The following DHX9 variants were observed in gnomAD, a reference collection of about 807,000 sequenced individuals.
The protein encoded by DHX9 is ATP-dependent RNA helicase A.
Under a neutral mutation model 148.7 loss-of-function variants are expected in DHX9, and 27 were observed. That is an observed-to-expected ratio of 0.18 (90% CI 0.13 to 0.25). The LOEUF is 0.25. DHX9 is among the 10% of genes least tolerant of loss of function. The probability of loss-of-function intolerance (pLI) is 1.00; values close to 1 mark genes in which losing one functional copy is unlikely to be tolerated. For missense variants in DHX9, 796 were observed against 1,559.6 expected (o/e 0.51, Z 8.25); for synonymous variants, 529 against 516.6 (o/e 1.02, Z -0.33).
At chr1:182,858,336 T>TGGCCGGGCGCGGTGGCTC in intron 8 of DHX9, 96 bp downstream of exon 8, 1 of 1,420,246 alleles carries the variant, frequency 7.0e-7, no homozygotes, top group Non-Finnish European at 9.6e-7. Context: ...TTAAGAATCT[T>TGGCCGGGCGCGGTGGCTC]ACCTCAGGAA....
chr1:182,855,751 T>TA, intron 6 of DHX9: 3 of 985,326 alleles, frequency 3.0e-6, no homozygotes, highest in Non-Finnish European at 3.6e-6. Flanking sequence ...GTCTAACATT[T>TA]ATTTTTTTCT....
At chr1:182,861,729 A>G (rs1668367140) in intron 12 of DHX9, among the ~76,000 whole-genome samples, 1 of 152,160 alleles carries the variant, frequency 6.6e-6, no homozygotes, top group South Asian at 2.1e-4. Flanking sequence ...GTATTAGCAA[A>G]CCTGTGTCTT....
Position 182,887,408 on chromosome 1 carries a change from C to G in DHX9, c.3787C>G (p.Gln1263Glu). Residue 1263 changes from glutamine to glutamate, a missense_variant, in exon 28 of 28, where the codon CAG becomes GAG. By Grantham distance (29) the Gln-to-Glu change is conservative. This residue lies in a region of DHX9 where 98 missense variants were observed against 105.5 expected (regional missense o/e 0.93). Transcript: ENST00000367549. ...RGAYGTGYFGQGRGGGGY is the reference protein window; with the variant it reads ...RGAYGTGYFGEGRGGGGY ...GGCCTATGGAACTGGCTACTTTGGA[C>G]AGGGAAGAGGAGGTGGCGGCTATTA... 6.2e-7 allele frequency: 1 copy of G among 1,613,606 alleles called. No homozygotes were observed. Among genetic ancestry groups the G allele is most frequent in the Non-Finnish European group, 8.5e-7 (1 of 1,179,870 alleles).
intron 1 of DHX9, among the ~76,000 whole-genome samples, chr1:182,842,267 A>G (rs1328517209): frequency 1.3e-5 from 2 of 152,200 alleles, no homozygotes; most frequent in Non-Finnish European, 2.9e-5. Flanking sequence ...AAAGATAAAA[A>G]TCACTCTTAG....
Position 182,858,210 on chromosome 1 carries a change from C to T in DHX9, c.780C>T (p.Ser260=), listed in dbSNP as rs752819481. 10 of 1,614,050 alleles carry T rather than the reference C, an allele frequency of 6.2e-6. No homozygotes were observed. Among genetic ancestry groups the T allele is most frequent in the Middle Eastern group, 1.7e-4 (1 of 6,060 alleles). Residue 260 remains serine, a synonymous_variant, in exon 8 of 28, where the codon TCC becomes TCT. Coordinates refer to ENST00000367549, the MANE Select transcript of DHX9 (RefSeq NM_001357.5). ...ATCTTGGAGTGGTTGAAGCTTACTC[C>T]GGACTTACAAAGAAGAAGGAAGGAG... ...LYHLGVVEAY[S]GLTKKKEGET... is the part of the protein sequence containing the mutation.
chr1:182,879,540 G>A, intron 21 of DHX9, 130 bp downstream of exon 21: 1 of 804,586 alleles, frequency 1.2e-6, no homozygotes, highest in Non-Finnish European at 1.7e-6. Context: ...ATAATAGTAA[G>A]GCCTCCAGTC....
chr1:182,852,378 ATAAGAT>A (rs776447981), intron 4 of DHX9, 34 bp downstream of exon 4: 3 of 1,434,210 alleles, frequency 2.1e-6, no homozygotes, highest in African/African-American at 2.8e-5. Flanking sequence ...GTGGTGGAGA[ATAAGAT>A]ATACACAATC....
intron 19 of DHX9, 170 bp from the exon 20 acceptor site, chr1:182,877,851 C>T: frequency 2.6e-6 from 2 of 756,866 alleles, no homozygotes; most frequent in South Asian, 2.1e-5. Flanking sequence ...AGGTTGACAA[C>T]TAGGAGTTTG....
intron 27 of DHX9, among the ~76,000 whole-genome samples, 166 bp from the exon 28 acceptor site, chr1:182,886,917 A>G (rs539900154): frequency 1.3e-4 from 20 of 152,244 alleles, no homozygotes; most frequent in Non-Finnish European, 2.5e-4. Context: ...GATACAATTG[A>G]TGACTGTTTT....
intron 6 of DHX9, among the ~76,000 whole-genome samples, chr1:182,855,196 A>G (rs1375657027): frequency 1.3e-5 from 2 of 152,180 alleles, no homozygotes; most frequent in Non-Finnish European, 2.9e-5. Flanking sequence ...AAGGAGTGAT[A>G]CATTTGTTGA....
intron 21 of DHX9, among the ~76,000 whole-genome samples, chr1:182,879,952 G>A (rs1004204947): frequency 1.3e-5 from 2 of 152,060 alleles, no homozygotes; most frequent in Admixed American, 6.6e-5. Flanking sequence ...TGAAACTCCC[G>A]ACCTCAAGTG....
At position 182,876,827 on chromosome 1, in the gene DHX9, C is replaced by T. The variant is rs780332628; in HGVS notation, c.2125-3C>T. On this transcript the variant is annotated splice_polypyrimidine_tract_variant and splice_region_variant and intron_variant, in intron 18 of 27. Coordinates refer to ENST00000367549, the MANE Select transcript of DHX9 (RefSeq NM_001357.5). The stretch of plus-strand genomic sequence containing the variant: ...CTGGAGTGTAATTTTTCTTTCTTCA[C>T]AGGTTATTTTGTCCACAAATATTGC... 1.2e-6 allele frequency: 2 copies of T among 1,607,182 alleles called. No individual in the cohort carries two copies. The highest frequency in any genetic ancestry group is 2.2e-5 in the East Asian group (1 of 44,786).
rs749469357 is a variant in DHX9 at position 182,881,434 on chromosome 1, A to T, written c.2786+9A>T. 6.2e-7 allele frequency: 1 copy of T among 1,612,904 alleles called. No individual in the cohort carries two copies. Among genetic ancestry groups the T allele is most frequent in the Admixed American group, 1.7e-5 (1 of 59,780 alleles). ...GCCTGGGATGATGCTAGGTATGAGTAAGATTTGGGTGAGCTGTCTGTAGTT... is the reference window on the plus strand; with the variant it reads ...GCCTGGGATGATGCTAGGTATGAGTTAGATTTGGGTGAGCTGTCTGTAGTT... On this transcript the variant is annotated intron_variant, in intron 23 of 27. Coordinates refer to ENST00000367549, the MANE Select transcript of DHX9 (RefSeq NM_001357.5).
At chr1:182,856,684 C>A in intron 7 of DHX9, 106 bp downstream of exon 7, 2 of 945,066 alleles carry the variant, frequency 2.1e-6, no homozygotes, top group Non-Finnish European at 3.3e-6. Flanking sequence ...TTTGAAAGAG[C>A]ACATAATGTA....
intron 7 of DHX9, among the ~76,000 whole-genome samples, chr1:182,856,954 A>G (rs979086786): frequency 6.6e-6 from 1 of 152,208 alleles, no homozygotes; most frequent in Middle Eastern, 3.4e-3. Context: ...GGTTCACGCC[A>G]TTCTCCTGCC....
chr1:182,841,150 G>A (rs888519992), intron 1 of DHX9, among the ~76,000 whole-genome samples: 2 of 152,114 alleles, frequency 1.3e-5, no homozygotes, highest in Admixed American at 6.5e-5. Context: ...AATTAGCTGG[G>A]CGTGGTGGCG....
chr1:182,853,994 T>A, intron 5 of DHX9, 36 bp from the exon 6 acceptor site: 2 of 1,603,164 alleles, frequency 1.2e-6, no homozygotes, highest in South Asian at 2.2e-5. Flanking sequence ...TACCTAAACT[T>A]AACACAGCCA....
chr1:182,880,847 A>T (rs2102619350), intron 22 of DHX9, among the ~76,000 whole-genome samples: 1 of 152,280 alleles, frequency 6.6e-6, no homozygotes. Flanking sequence ...GTTAAAAGCA[A>T]GCAGGCCAGG....
intron 4 of DHX9, among the ~76,000 whole-genome samples, chr1:182,852,672 T>C (rs1668175896): frequency 6.6e-6 from 1 of 152,226 alleles, no homozygotes; most frequent in Admixed American, 6.5e-5. Flanking sequence ...TGTTGACTTG[T>C]TTGTTTACCC....
Sources: allele counts gnomAD v4.1 joint callset (sites outside exome capture counted in the v4.1 genomes callset), GRCh38; gene constraint gnomAD v4.1.1; regional missense constraint gnomAD v4.1.1; transcripts MANE v1.5; gene names NCBI Gene and HGNC (gene_info 2026-07-23, HGNC 2026-07-21).